The following ST8SIA4 variants were observed in gnomAD, a reference collection of about 807,000 sequenced individuals.
The protein encoded by ST8SIA4 is ST8 alpha-N-acetyl-neuraminide alpha-2,8-sialyltransferase 4, also known as CMP-N-acetylneuraminate-poly-alpha-2,8-sialyltransferase.
A neutral mutation model predicts 33.9 loss-of-function variants in ST8SIA4; 15 were observed. That is an observed-to-expected ratio of 0.44 (90% CI 0.30 to 0.68). ST8SIA4 has a LOEUF of 0.68. ST8SIA4 is among the 30% of genes least tolerant of loss of function. The pLI, the probability that ST8SIA4 is intolerant of heterozygous loss-of-function variation, is 0.10. For synonymous variants in ST8SIA4, 171 were observed against 151.2 expected (o/e 1.13, Z -0.96); for missense variants, 321 against 428.0 (o/e 0.75, Z 2.21).
In ST8SIA4 at chr5:100,895,716, A is replaced by G. The variant is rs1480602344; in HGVS notation, c.183T>C (p.Ser61=). 6.2e-7 allele frequency: 1 copy of G among 1,612,882 alleles called. No homozygotes were observed. Among genetic ancestry groups the G allele is most frequent in the Non-Finnish European group, 8.5e-7 (1 of 1,179,196 alleles). ...SSDKIIRKAG[S]SIFQHNVEGW... ...CTTCTACATTGTGCTGGAAGATTGA[A>G]GAGCCAGCCTTTCGAATGATTTTAT... Residue 61 remains serine, a synonymous_variant, in exon 2 of 5, where the codon TCT becomes TCC. Transcript: ENST00000231461.
Position 100,810,205 on chromosome 5 carries a change from T to A in ST8SIA4, c.*1642A>T, listed in dbSNP as rs1284935670. The A allele has an allele frequency of 6.6e-6, 1 of 152,226 alleles. No homozygotes were observed. Among genetic ancestry groups the A allele is most frequent in the East Asian group, 1.9e-4 (1 of 5,204 alleles). The allele number at this position is 152,226 out of a possible 1,614,324, so 9.4% of individuals were successfully genotyped here. A position where few individuals can be genotyped will look rare whatever the true frequency, so the allele number is the denominator to read the frequency against. On this transcript the variant is annotated 3_prime_UTR_variant, in exon 5 of 5. Transcript: ENST00000231461. The stretch of plus-strand genomic sequence containing the variant: ...ATTCTGTTATACATTAAAAATTTTT[T>A]AATTACTTTATTAATAATTTCATGT...
At chr5:100,851,714 G>A (rs186604560) in intron 4 of ST8SIA4, among the ~76,000 whole-genome samples, 170 of 151,968 alleles carry the variant, frequency 1.1e-3, no homozygotes, top group South Asian at 3.9e-3. Context: ...AGAAATTCTC[G>A]TCATAGTTTG....
chr5:100,897,249 G>T (rs973208774), intron 1 of ST8SIA4, among the ~76,000 whole-genome samples: 7 of 152,020 alleles, frequency 4.6e-5, no homozygotes, highest in African/African-American at 1.7e-4. Context: ...ATATCATGTG[G>T]CATGGTACTA....
At chr5:100,858,452 A>T (rs1580466300) in intron 3 of ST8SIA4, among the ~76,000 whole-genome samples, 2 of 152,158 alleles carry the variant, frequency 1.3e-5, no homozygotes, top group African/African-American at 4.8e-5. Context: ...TAAATAGAAT[A>T]AAAATGATAT....
rs1750720501 is a variant in ST8SIA4 at position 100,807,542 on chromosome 5, A to G, written c.*4305T>C. On this transcript the variant is annotated 3_prime_UTR_variant, in exon 5 of 5. Coordinates refer to ENST00000231461, the MANE Select transcript of ST8SIA4 (RefSeq NM_005668.6). ...AATCTGAAAACTGTAATTCGAATAC[A>G]TTGCTAGCTTGAAGCCTTTACTTTT... is the stretch of plus-strand genomic sequence containing the variant. 1 of 152,564 alleles carries G rather than the reference A, an allele frequency of 6.6e-6. No individual in the cohort carries two copies. The highest frequency in any genetic ancestry group is 1.5e-5 in the Non-Finnish European group (1 of 67,972). The allele number at this position is 152,564 out of a possible 1,614,324, so 9.5% of individuals were successfully genotyped here. A position where few individuals can be genotyped will look rare whatever the true frequency, so the allele number is the denominator to read the frequency against.
In ST8SIA4 at chr5:100,819,267, A is replaced by C. The variant is rs1273030135; in HGVS notation, c.798-7138T>G. 4.6e-5 allele frequency among the ~76,000 whole-genome samples: 7 copies of C among 152,358 alleles called. No homozygotes were observed. The East Asian group carries it at 1.3e-3, about 29-fold the overall frequency. ...AAGCAGACACTGGGTGTCGGGAGAC[A>C]GTTCAATGATATATTAGCATTTGTC... On this transcript the variant is annotated intron_variant, in intron 4 of 4. Transcript: ENST00000231461.
At chr5:100,852,931 G>T (rs923720313) in intron 4 of ST8SIA4, among the ~76,000 whole-genome samples, 2 of 152,130 alleles carry the variant, frequency 1.3e-5, no homozygotes, top group Non-Finnish European at 2.9e-5. Context: ...TATTTTAATT[G>T]CAGTACTTGG....
intron 1 of ST8SIA4, among the ~76,000 whole-genome samples, chr5:100,899,214 T>G (rs1352272711): frequency 6.6e-6 from 1 of 152,216 alleles, no homozygotes. Context: ...ATATAAAAAT[T>G]TAAATAAAGA....
chr5:100,878,880 T>A (rs1002387664), intron 3 of ST8SIA4, among the ~76,000 whole-genome samples: 1 of 152,212 alleles, frequency 6.6e-6, no homozygotes, highest in Non-Finnish European at 1.5e-5. Flanking sequence ...AATTTTGTTG[T>A]AGAATGTTGT....
At chr5:100,822,419 G>T (rs1362524772) in intron 4 of ST8SIA4, among the ~76,000 whole-genome samples, 2 of 152,092 alleles carry the variant, frequency 1.3e-5, no homozygotes, top group African/African-American at 4.8e-5. Context: ...AAAATCCTAG[G>T]ACTTAGAATG....
chr5:100,853,665 C>G (rs931641428), intron 4 of ST8SIA4, among the ~76,000 whole-genome samples: 5 of 152,158 alleles, frequency 3.3e-5, no homozygotes, highest in African/African-American at 1.2e-4. Flanking sequence ...AGATAGGAGT[C>G]TTGTTAAATT....
chr5:100,879,337 C>T (rs1445678894), intron 3 of ST8SIA4, among the ~76,000 whole-genome samples: 1 of 152,008 alleles, frequency 6.6e-6, no homozygotes, highest in Non-Finnish European at 1.5e-5. Context: ...TTCTACATTG[C>T]AAATTTATAG....
At chr5:100,880,911 A>C (rs1215259286) in intron 3 of ST8SIA4, among the ~76,000 whole-genome samples, 1 of 152,242 alleles carries the variant, frequency 6.6e-6, no homozygotes, top group Non-Finnish European at 1.5e-5. Flanking sequence ...TGTGTATATG[A>C]ATCTGACACT....
intron 4 of ST8SIA4, among the ~76,000 whole-genome samples, chr5:100,831,242 C>T (rs1297785913): frequency 1.3e-5 from 2 of 152,156 alleles, no homozygotes; most frequent in African/African-American, 4.8e-5. Context: ...GGCTGGTGAA[C>T]AGGCCCAGAT....
chr5:100,821,544 A>C (rs1395059418), intron 4 of ST8SIA4, among the ~76,000 whole-genome samples: 1 of 152,210 alleles, frequency 6.6e-6, no homozygotes, highest in Non-Finnish European at 1.5e-5. Flanking sequence ...GGATATGCTC[A>C]GTTTACATCA....
At position 100,809,460 on chromosome 5, in the gene ST8SIA4, A is replaced by AG. The variant is rs1355699683; in HGVS notation, c.*2386_*2387insC. 1 of 151,858 alleles carries AG rather than the reference A, an allele frequency of 6.6e-6. No homozygotes were observed. The highest frequency in any genetic ancestry group is 1.5e-5 in the Non-Finnish European group (1 of 68,050). The allele number at this position is 151,858 out of a possible 1,614,324, so 9.4% of individuals were successfully genotyped here. ...GTGAGACTCCATCTCAAAAAAAAAA[A>AG]AAAAAGAAAAAAGAAAAAGGAAGAA... On this transcript the variant is annotated 3_prime_UTR_variant, in exon 5 of 5. Coordinates refer to ENST00000231461, the MANE Select transcript of ST8SIA4 (RefSeq NM_005668.6).
intron 4 of ST8SIA4, among the ~76,000 whole-genome samples, chr5:100,840,608 G>T (rs1211984480): frequency 6.6e-6 from 1 of 151,698 alleles, no homozygotes; most frequent in Admixed American, 6.6e-5. Context: ...CACAGTGCTT[G>T]AATAAGGCAA....
chr5:100,894,480 A>G (rs572732908), intron 2 of ST8SIA4, among the ~76,000 whole-genome samples: 1 of 152,132 alleles, frequency 6.6e-6, no homozygotes, highest in South Asian at 2.1e-4. Context: ...AACACACACC[A>G]CTTGACATTG....
chr5:100,827,359 G>A (rs899855126), intron 4 of ST8SIA4, among the ~76,000 whole-genome samples: 1 of 152,102 alleles, frequency 6.6e-6, no homozygotes, highest in African/African-American at 2.4e-5. Flanking sequence ...GCTTACAAAT[G>A]TTCCCTGCCC....
Sources: gnomAD v4.1 joint callset for allele counts (sites outside exome capture counted in the v4.1 genomes callset) on GRCh38, gnomAD v4.1.1 for gene constraint, MANE v1.5 for transcripts, NCBI Gene and HGNC (gene_info 2026-07-23, HGNC 2026-07-21) for gene names.